Variants in KDM6A observed in about 807,000 individuals in gnomAD.
The protein encoded by KDM6A is lysine demethylase 6A.
In KDM6A, 11 loss-of-function variants were observed where a neutral mutation model predicts 117.6. That is an observed-to-expected ratio of 0.09 (90% confidence interval 0.06 to 0.15). The LOEUF is 0.15. Ranked by LOEUF, KDM6A falls within the 10% of genes least tolerant of loss-of-function variation. The pLI, the probability that KDM6A is intolerant of heterozygous loss-of-function variation, is 1.00. For missense variants in KDM6A, 799 were observed against 1,077.3 expected (o/e 0.74, Z 3.62); for synonymous variants, 384 against 396.1 (o/e 0.97, Z 0.36).
At chrX:45,052,912 C>CT (rs1456970169) in intron 9 of KDM6A, among the ~76,000 whole-genome samples, 1 of 110,809 alleles carries the variant, frequency 9.0e-6, no homozygotes, top group Non-Finnish European at 1.9e-5. Flanking sequence ...CCAGGGTGGT[C>CT]TCAAACTCCT....
chrX:44,955,506 C>A (rs1377022105), intron 2 of KDM6A, among the ~76,000 whole-genome samples: 1 of 110,791 alleles, frequency 9.0e-6, no homozygotes, highest in Non-Finnish European at 1.9e-5. Flanking sequence ...TAAAAAAAAA[C>A]TAGTGCAAAA....
chrX:45,096,717 G>A (rs1441555383), intron 27 of KDM6A, among the ~76,000 whole-genome samples: 2 of 111,677 alleles, frequency 1.8e-5, no homozygotes, highest in African/African-American at 6.5e-5. Flanking sequence ...AATAACAGGT[G>A]CTGGCAAGGA....
intron 18 of KDM6A, among the ~76,000 whole-genome samples, chrX:45,072,964 C>G (rs770420980): frequency 9.2e-5 from 10 of 108,879 alleles, no homozygotes; most frequent in Middle Eastern, 4.8e-3. Context: ...TGCTGGCCAG[C>G]TGCACCCATC....
intron 8 of KDM6A, among the ~76,000 whole-genome samples, chrX:45,040,700 G>A (rs1438808943): frequency 1.4e-5 from 1 of 71,185 alleles, no homozygotes; most frequent in African/African-American, 5.8e-5. Flanking sequence ...CCTCCCGGAC[G>A]GGGCGGCTGG....
chrX:44,873,377 C>CCGCCGCCGCCTT lies in KDM6A; in HGVS notation c.-173_-162dup. 2.8e-6 allele frequency: 2 copies of CCGCCGCCGCCTT among 702,987 alleles called. No homozygotes were observed. The highest frequency in any genetic ancestry group is 4.1e-6 in the Non-Finnish European group (2 of 487,675). The allele number at this position is 702,987 out of a possible 1,213,427, so 57.9% of individuals were successfully genotyped here. On this transcript the variant is annotated 5_prime_UTR_variant, in exon 1 of 30. Transcript: ENST00000611820. The stretch of plus-strand genomic sequence containing the variant: ...GGGGGCTCCGCAGCCCCTGCCGCCG[C>CCGCCGCCGCCTT]CGCCGCCGCCTTCACCGCCGCCGCG...
At chrX:44,987,037 T>C (rs896603574) in intron 4 of KDM6A, among the ~76,000 whole-genome samples, 4 of 111,474 alleles carry the variant, frequency 3.6e-5, no homozygotes, top group African/African-American at 1.3e-4. Context: ...TATCATTGTG[T>C]GGGAGTCTAA....
intron 6 of KDM6A, among the ~76,000 whole-genome samples, chrX:45,028,176 T>C (rs1446137775): frequency 8.9e-6 from 1 of 111,949 alleles, no homozygotes; most frequent in East Asian, 2.8e-4. Context: ...AACAGCAAAC[T>C]AAGTTTGGGG....
intron 17 of KDM6A, among the ~76,000 whole-genome samples, chrX:45,066,134 G>T (rs1373791189): frequency 8.9e-6 from 1 of 112,231 alleles, no homozygotes; most frequent in Non-Finnish European, 1.9e-5. Flanking sequence ...TTTGCTATCT[G>T]ATCCTTTACA....
chrX:44,915,332 A>G (rs1405267833), intron 2 of KDM6A, among the ~76,000 whole-genome samples: 1 of 112,205 alleles, frequency 8.9e-6, no homozygotes, highest in Non-Finnish European at 1.9e-5. Flanking sequence ...AATGCTGGAA[A>G]AAGTGACATT....
At chrX:45,000,979 C>G (rs1401482202) in intron 4 of KDM6A, among the ~76,000 whole-genome samples, 1 of 112,896 alleles carries the variant, frequency 8.9e-6, no homozygotes, top group East Asian at 2.8e-4. Context: ...TGATCCATTC[C>G]AACCAGGCAT....
chrX:44,911,025 A>G (rs2146782441), intron 2 of KDM6A, among the ~76,000 whole-genome samples: 1 of 112,311 alleles, frequency 8.9e-6, no homozygotes, highest in Admixed American at 9.3e-5. Flanking sequence ...CACCTCCCAG[A>G]CGGGGTGGCG....
At chrX:45,064,520 A>G (rs2044446124) in intron 17 of KDM6A, among the ~76,000 whole-genome samples, 1 of 112,395 alleles carries the variant, frequency 8.9e-6, no homozygotes, top group African/African-American at 3.2e-5. Context: ...ACGTTAGCAC[A>G]TTCGTTAGAC....
rs749368573 is a variant in KDM6A, at chrX:44,873,566, A to G, written c.15A>G (p.Gly5=). MKSC[G]VSLATAAAAA... is the part of the protein sequence containing the mutation. ...GCTGCGTTTCCATGAAATCCTGCGG[A>G]GTGTCGCTCGCTACCGCCGCCGCTG... The change falls in exon 1 of 30, where the codon GGA becomes GGG. Residue 5 remains glycine, a synonymous_variant. Coordinates refer to ENST00000611820, the MANE Select transcript of KDM6A (RefSeq NM_001291415.2). The G allele has an allele frequency of 1.7e-6, 2 of 1,202,447 alleles. No individual in the cohort carries two copies. Among genetic ancestry groups the G allele is most frequent in the African/African-American group, 3.6e-5 (2 of 55,461 alleles).
At position 44,921,463 on chromosome X, in the gene KDM6A, T is replaced by A. The variant is rs1341946142; in HGVS notation, c.226-39821T>A. On this transcript the variant is annotated intron_variant, in intron 2 of 29. Coordinates refer to ENST00000611820, the MANE Select transcript of KDM6A (RefSeq NM_001291415.2). ...CACAACTACAGTCAAGATATTTAGCTGTACCATCACAAGATTCCTTTGTGC... is the reference window on the plus strand; with the variant it reads ...CACAACTACAGTCAAGATATTTAGCAGTACCATCACAAGATTCCTTTGTGC... 2.7e-5 allele frequency among the ~76,000 whole-genome samples: 3 copies of A among 111,654 alleles called. No homozygotes were observed. The Admixed American group carries it at 2.9e-4, about 11-fold the overall frequency.
chrX:45,095,218 A>G lies in KDM6A; in HGVS notation c.4034+4354A>G, dbSNP rs145579485. ...TCTCACAGCATCCCAAGGTCATTCA[A>G]TTGACTAGAGGTAGAGCCAAGATTT... On this transcript the variant is annotated intron_variant, in intron 27 of 29. Coordinates refer to ENST00000611820, the MANE Select transcript of KDM6A (RefSeq NM_001291415.2). Among the ~76,000 whole-genome samples, 915 of 111,072 alleles carry G rather than the reference A, an allele frequency of 8.2e-3. 8 individuals carry two copies. The highest frequency in any genetic ancestry group is 0.018 in the South Asian group (48 of 2,616).
chrX:44,951,474 A>G (rs1231070702), intron 2 of KDM6A, among the ~76,000 whole-genome samples: 1 of 111,684 alleles, frequency 9.0e-6, no homozygotes, highest in Non-Finnish European at 1.9e-5. Context: ...TGTCTTTTGA[A>G]TATGGGAACT....
intron 8 of KDM6A, among the ~76,000 whole-genome samples, chrX:45,048,622 A>G (rs1348407992): frequency 1.8e-5 from 2 of 109,261 alleles, no homozygotes; most frequent in Non-Finnish European, 3.8e-5. Context: ...TGCCATTTCT[A>G]TTTGAGTTCT....
At chrX:45,027,421 A>G (rs1189350455) in intron 6 of KDM6A, among the ~76,000 whole-genome samples, 2 of 110,803 alleles carry the variant, frequency 1.8e-5, no homozygotes, top group East Asian at 2.8e-4. Flanking sequence ...GCTCTGCCCT[A>G]TTTCCTTTAT....
At chrX:44,877,515 C>A (rs757334278) in intron 2 of KDM6A, among the ~76,000 whole-genome samples, 74 of 103,634 alleles carry the variant, frequency 7.1e-4, no homozygotes, top group African/African-American at 2.4e-3. Flanking sequence ...TTTTTTAGTA[C>A]ATTTTTGAAA....
Sources: allele counts gnomAD v4.1 joint callset (sites outside exome capture counted in the v4.1 genomes callset), GRCh38; gene constraint gnomAD v4.1.1; transcripts MANE v1.5; gene names NCBI Gene and HGNC (gene_info 2026-07-23, HGNC 2026-07-21).